Variants in PANX3 observed in about 807,000 individuals in gnomAD.
The protein encoded by PANX3 is pannexin 3, also known as pannexin-3.
In PANX3, 18 loss-of-function variants were observed where a neutral mutation model predicts 31.5. The observed-to-expected ratio is 0.57, with a 90% confidence interval of 0.39 to 0.85. The LOEUF is 0.85. Ranked by LOEUF, PANX3 falls within the 40% of genes least tolerant of loss-of-function variation. The probability of loss-of-function intolerance (pLI) is 0.00; values close to 1 mark genes in which losing one functional copy is unlikely to be tolerated. For synonymous variants in PANX3, 194 were observed against 201.6 expected, an observed-to-expected ratio of 0.96 and a Z score of 0.32; for missense variants, 426 against 485.4, an observed-to-expected ratio of 0.88 and a Z score of 1.15.
In PANX3 at chr11:124,611,634, A is replaced by C; in HGVS notation, c.78A>C (p.Lys26Asn). 7 of 1,614,118 alleles carry C rather than the reference A, an allele frequency of 4.3e-6. No individual in the cohort carries two copies. The highest frequency in any genetic ancestry group is 5.1e-6 in the Non-Finnish European group (6 of 1,179,994). ...CTGACCGCAGGGGACCCCGCCTCAA[A>C]GGACTGCGTCTGGAACTGCCCCTGG... is the stretch of plus-strand genomic sequence containing the variant. ...LLPDRRGPRL[K>N]GLRLELPLDR... Residue 26 changes from lysine to asparagine, a missense_variant, in exon 1 of 4, where the codon AAA (lysine) becomes AAC (asparagine). Transcript: ENST00000284288.
rs200803275 is a variant in PANX3 at position 124,613,022 on chromosome 11, G to A, written c.224G>A (p.Arg75Gln). 293 of 1,614,064 alleles carry A rather than the reference G, an allele frequency of 1.8e-4. No homozygotes were observed. The East Asian group carries it at 4.7e-3, about 26-fold the overall frequency. The change falls in exon 2 of 4, where the codon CGG becomes CAG. Residue 75 changes from arginine (R) to glutamine (Q), a missense_variant. Arg to Gln is a conservative substitution (Grantham distance 43). Transcript: ENST00000284288. ...SCFSPSNFSI[R>Q]QAAYVDSSCW... ...TTCTCTCCCAGTAACTTCAGCATCC[G>A]GCAGGCAGCCTACGTGGACAGCTCC...
At chr11:124,617,825 C>T (rs777771786) in intron 3 of PANX3, among the ~76,000 whole-genome samples, 9 of 152,256 alleles carry the variant, frequency 5.9e-5, no homozygotes, top group South Asian at 2.1e-4. Flanking sequence ...CCTCAACACA[C>T]TGTCACCATC....
intron 2 of PANX3, 45 bp from the exon 3 acceptor site, chr11:124,617,229 T>G (rs750707312): frequency 6.8e-7 from 1 of 1,464,364 alleles, no homozygotes; most frequent in East Asian, 2.4e-5. Context: ...TCACTCGGGG[T>G]CTCAGCAGCC....
Position 124,619,722 on chromosome 11 carries a change from C to A in PANX3, c.966C>A (p.Pro322=). 1.2e-6 allele frequency: 2 copies of A among 1,614,164 alleles called. No individual in the cohort carries two copies. The highest frequency in any genetic ancestry group is 1.7e-6 in the Non-Finnish European group (2 of 1,180,028). Residue 322 remains proline (P), a synonymous_variant, in exon 4 of 4, where the codon CCC becomes CCA. Transcript: ENST00000284288. The part of the protein sequence containing the change: ...DLLSRKMLGC[P]INDLNVILLF... Reference sequence around the variant, plus strand: ...TCAGCAGAAAGATGCTAGGATGTCCCATCAATGACCTCAATGTGATCCTTC... The same window carrying A: ...TCAGCAGAAAGATGCTAGGATGTCCAATCAATGACCTCAATGTGATCCTTC...
chr11:124,618,581 T>C (rs1321371499), intron 3 of PANX3, among the ~76,000 whole-genome samples: 1 of 152,138 alleles, frequency 6.6e-6, no homozygotes, highest in Non-Finnish European at 1.5e-5. Context: ...TTACATAAGA[T>C]GAATGAATTG....
rs1591367720 is a variant in PANX3, at chr11:124,612,859, G to A, written c.182-121G>A. On this transcript the variant is annotated intron_variant, in intron 1 of 3. Transcript: ENST00000284288. ...GGCAGTGCTCAACCCAGAAGACTAAGGTGTGGGAAGAAGACAGTCCCTGCC... is the reference window on the plus strand; with the variant it reads ...GGCAGTGCTCAACCCAGAAGACTAAAGTGTGGGAAGAAGACAGTCCCTGCC... 4 of 1,226,800 alleles carry A rather than the reference G, an allele frequency of 3.3e-6. No individual in the cohort carries two copies. The East Asian group carries it at 7.1e-5, about 22-fold the overall frequency. The allele number at this position is 1,226,800 out of a possible 1,614,324, so 76.0% of individuals were successfully genotyped here.
intron 3 of PANX3, among the ~76,000 whole-genome samples, chr11:124,619,031 T>G (rs1475350594): frequency 6.6e-6 from 1 of 152,196 alleles, no homozygotes; most frequent in East Asian, 1.9e-4. Context: ...TTAGTCCGCC[T>G]TGCTTGGCAG....
Position 124,618,868 on chromosome 11 carries a change from A to C in PANX3, c.540-428A>C, listed in dbSNP as rs149855444. On this transcript the variant is annotated intron_variant, in intron 3 of 3. Transcript: ENST00000284288. ...ACTGTGTTTCCCATGGTAGTCTCAA[A>C]CCCCTGGGCTTATGGGACCCTTCCA... 6.4e-3 allele frequency among the ~76,000 whole-genome samples: 976 copies of C among 152,146 alleles called. 6 individuals are homozygous for C. The highest frequency in any genetic ancestry group is 0.014 in the Admixed American group (208 of 15,276).
rs764999455 is a variant in PANX3, at chr11:124,612,996, C to T, written c.198C>T (p.Cys66=). The part of the protein sequence containing the change: ...QEFSSGSPIS[C]FSPSNFSIRQ... ...CTGTTGCAGGGTCTCCGATCAGCTG[C>T]TTCTCTCCCAGTAACTTCAGCATCC... Residue 66 remains cysteine (C), a synonymous_variant, in exon 2 of 4, where the codon TGC becomes TGT. Coordinates refer to ENST00000284288, the MANE Select transcript of PANX3 (RefSeq NM_052959.3). 2 of 1,614,112 alleles carry T rather than the reference C, an allele frequency of 1.2e-6. No individual in the cohort carries two copies. The highest frequency in any genetic ancestry group is 3.3e-5 in the Admixed American group (2 of 60,022).
At chr11:124,615,163 A>G (rs1285253147) in intron 2 of PANX3, among the ~76,000 whole-genome samples, 2 of 151,554 alleles carry the variant, frequency 1.3e-5, no homozygotes, top group Non-Finnish European at 2.9e-5. Context: ...GCTCACTGCA[A>G]CCTCCGCCTT....
Position 124,611,583 on chromosome 11 carries a change from G to A in PANX3, c.27G>A (p.Glu9=), listed in dbSNP as rs777057176. 2 of 1,613,972 alleles carry A rather than the reference G, an allele frequency of 1.2e-6. No individual in the cohort carries two copies. The highest frequency in any genetic ancestry group is 1.1e-5 in the South Asian group (1 of 91,036). MSLAHTAA[E]YMLSDALLPD... The stretch of plus-strand genomic sequence containing the variant: ...TGTCACTTGCACACACAGCTGCAGA[G>A]TACATGCTCTCAGATGCCCTGCTGC... Residue 9 remains glutamate, a synonymous_variant, in exon 1 of 4, where the codon GAG becomes GAA. Transcript: ENST00000284288.
rs760439001 is a variant in PANX3, at chr11:124,619,575, C to G, written c.819C>G (p.Ser273Arg). The change falls in exon 4 of 4, where the codon AGC becomes AGG. Residue 273 changes from serine to arginine, a missense_variant. Ser to Arg is a moderately radical substitution (Grantham distance 110). Coordinates refer to ENST00000284288, the MANE Select transcript of PANX3 (RefSeq NM_052959.3). Reference protein sequence around the residue: ...LTSLSIFQIVSLSSVAIYTIL... With the variant: ...LTSLSIFQIVRLSSVAIYTIL... Reference sequence around the variant, plus strand: ...CACTGTCCATTTTCCAGATTGTTAGCCTCTCCAGTGTAGCAATATACACCA... The same window carrying G: ...CACTGTCCATTTTCCAGATTGTTAGGCTCTCCAGTGTAGCAATATACACCA... 3.7e-6 allele frequency: 6 copies of G among 1,614,126 alleles called. No homozygotes were observed. The highest frequency in any genetic ancestry group is 4.2e-6 in the Non-Finnish European group (5 of 1,180,034).
intron 2 of PANX3, among the ~76,000 whole-genome samples, chr11:124,615,799 G>A (rs914316232): frequency 2.6e-4 from 39 of 152,110 alleles, no homozygotes; most frequent in African/African-American, 8.7e-4. Context: ...ATCACTTGAG[G>A]TCAGGAATTC....
At position 124,619,434 on chromosome 11, in the gene PANX3, C is replaced by T. The variant is rs1430636624; in HGVS notation, c.678C>T (p.Tyr226=). The T allele has an allele frequency of 6.2e-7, 1 of 1,614,080 alleles. No homozygotes were observed. Among genetic ancestry groups the T allele is most frequent in the Non-Finnish European group, 8.5e-7 (1 of 1,180,048 alleles). The change falls in exon 4 of 4, where the codon TAC becomes TAT. Residue 226 remains tyrosine (Y), a synonymous_variant. Coordinates refer to ENST00000284288, the MANE Select transcript of PANX3 (RefSeq NM_052959.3). ...TCTTCACCTCCGCCACTTACCTATA[C>T]CTTGGTCATTTCCATCTGGATGTCT... is the stretch of plus-strand genomic sequence containing the variant. ...LLIFTSATYL[Y]LGHFHLDVFF...
intron 2 of PANX3, among the ~76,000 whole-genome samples, chr11:124,615,151 T>C (rs935762695): frequency 1.3e-5 from 2 of 152,056 alleles, no homozygotes. Flanking sequence ...GGAGCAATCT[T>C]GGCTCACTGC....
chr11:124,614,670 CTTT>C, intron 2 of PANX3, among the ~76,000 whole-genome samples: 1 of 95,330 alleles, frequency 1.0e-5, no homozygotes, highest in South Asian at 3.5e-4. Flanking sequence ...AACGCCCTTT[CTTT>C]TTTTTTTTTT....
intron 1 of PANX3, among the ~76,000 whole-genome samples, chr11:124,612,538 C>A (rs1452346683): frequency 1.3e-5 from 2 of 152,256 alleles, no homozygotes; most frequent in African/African-American, 4.8e-5. Context: ...GGCAGGAACT[C>A]TCCTCCAAGT....
At position 124,611,515 on chromosome 11, in the gene PANX3, G is replaced by A. The variant is rs1863088924; in HGVS notation, c.-42G>A. 8 of 1,555,590 alleles carry A rather than the reference G, an allele frequency of 5.1e-6. No homozygotes were observed. The highest frequency in any genetic ancestry group is 7.0e-6 in the Non-Finnish European group (8 of 1,145,782). Reference sequence around the variant, plus strand: ...CCGTCTCCTCATTCCACCATCCCAGGACCCCTGCTGCCACCTCTGCACCCC... The same window carrying A: ...CCGTCTCCTCATTCCACCATCCCAGAACCCCTGCTGCCACCTCTGCACCCC... On this transcript the variant is annotated 5_prime_UTR_variant, in exon 1 of 4. Coordinates refer to ENST00000284288, the MANE Select transcript of PANX3 (RefSeq NM_052959.3).
At chr11:124,612,878 C>T in intron 1 of PANX3, 102 bp from the exon 2 acceptor site, 5 of 1,425,828 alleles carry the variant, frequency 3.5e-6, no homozygotes, top group South Asian at 1.3e-5. Flanking sequence ...AGAAGACAGT[C>T]CCTGCCAGAA....
Sources: allele counts gnomAD v4.1 joint callset (sites outside exome capture counted in the v4.1 genomes callset), GRCh38; gene constraint gnomAD v4.1.1; transcripts MANE v1.5; gene names NCBI Gene and HGNC (gene_info 2026-07-23, HGNC 2026-07-21).